SCAMP2: variants seen among roughly 807,000 people sequenced by gnomAD.
The protein encoded by SCAMP2 is secretory carrier-associated membrane protein 2.
In SCAMP2, 25 loss-of-function variants were observed where a neutral mutation model predicts 44.1. The observed-to-expected ratio is 0.57, with a 90% CI of 0.41 to 0.79. SCAMP2 has a LOEUF of 0.79. Ranked by LOEUF, SCAMP2 falls within the 30% of genes least tolerant of loss-of-function variation. SCAMP2 has a pLI of 0.00. For synonymous variants in SCAMP2, 156 were observed against 166.0 expected, an observed-to-expected ratio of 0.94 and a Z score of 0.46; for missense variants, 355 against 411.0, an observed-to-expected ratio of 0.86 and a Z score of 1.18.
chr15:74,854,745 T>A, intron 1 of SCAMP2, 96 bp from the exon 2 acceptor site: 1 of 1,101,384 alleles, frequency 9.1e-7, no homozygotes, highest in Non-Finnish European at 1.3e-6. Flanking sequence ...GCAGGGCAGC[T>A]GATCACCCTC....
At chr15:74,850,020 G>A (rs28692934) in intron 6 of SCAMP2, among the ~76,000 whole-genome samples, 1 of 152,114 alleles carries the variant, frequency 6.6e-6, no homozygotes, top group Non-Finnish European at 1.5e-5. Flanking sequence ...TAAACCCTGA[G>A]GTACAATTCC....
intron 1 of SCAMP2, among the ~76,000 whole-genome samples, chr15:74,866,798 C>CT (rs112929950): frequency 4.2e-5 from 5 of 119,684 alleles, no homozygotes; most frequent in African/African-American, 6.2e-5. Flanking sequence ...TATTTTCTTT[C>CT]TTTTTTTTTT....
Position 74,861,992 on chromosome 15 carries a change from G to A in SCAMP2, c.58-7343C>T, listed in dbSNP as rs138417768. Among the ~76,000 whole-genome samples the A allele has an allele frequency of 2.9e-3, 438 of 150,966 alleles. 2 individuals are homozygous for A. The highest frequency in any genetic ancestry group is 0.014 in the Middle Eastern group (4 of 292). On this transcript the variant is annotated intron_variant, in intron 1 of 8. Coordinates refer to ENST00000268099, the MANE Select transcript of SCAMP2 (RefSeq NM_005697.5). The stretch of plus-strand genomic sequence containing the variant: ...TTATGGGCCAGGCCCGGTAGCTCAT[G>A]CCTATAATCCCAACACTTTGGGAGG...
At chr15:74,850,772 G>A (rs887013871) in intron 5 of SCAMP2, 99 bp from the exon 6 acceptor site, 22 of 1,276,928 alleles carry the variant, frequency 1.7e-5, no homozygotes, top group South Asian at 4.1e-5. Context: ...TTCATGCTGC[G>A]AAGGCAGCTG....
intron 1 of SCAMP2, among the ~76,000 whole-genome samples, chr15:74,859,096 C>T (rs1355988277): frequency 6.6e-6 from 1 of 152,098 alleles, no homozygotes; most frequent in Admixed American, 6.6e-5. Context: ...CGTGAGCCAC[C>T]ATGCCCGGTC....
intron 5 of SCAMP2, 140 bp from the exon 6 acceptor site, chr15:74,850,813 G>T: frequency 1.2e-6 from 1 of 812,442 alleles, no homozygotes; most frequent in Non-Finnish European, 1.9e-6. Context: ...CTGTACCTAG[G>T]CAGGGATAGT....
chr15:74,847,194 T>G (rs1172329808), intron 7 of SCAMP2, among the ~76,000 whole-genome samples: 4 of 145,970 alleles, frequency 2.7e-5, no homozygotes, highest in African/African-American at 7.5e-5. Flanking sequence ...CGGGTTCAAG[T>G]GATTCTTCTG....
At chr15:74,865,920 C>T (rs1415539932) in intron 1 of SCAMP2, among the ~76,000 whole-genome samples, 7 of 134,918 alleles carry the variant, frequency 5.2e-5, no homozygotes, top group South Asian at 2.4e-4. Flanking sequence ...CACTGCACTT[C>T]GGCCTAGGCA....
intron 1 of SCAMP2, 42 bp downstream of exon 1, chr15:74,873,157 C>G: frequency 1.4e-6 from 2 of 1,415,536 alleles, no homozygotes; most frequent in South Asian, 3.2e-5. Context: ...GCCGTGGGCC[C>G]TAGGGAAATC....
chr15:74,870,869 G>A (rs1307621737), intron 1 of SCAMP2, among the ~76,000 whole-genome samples: 6 of 152,190 alleles, frequency 3.9e-5, no homozygotes, highest in Non-Finnish European at 8.8e-5. Flanking sequence ...CTCATGCTGT[G>A]AATGACAGGA....
intron 4 of SCAMP2, 141 bp from the exon 5 acceptor site, chr15:74,851,622 G>T: frequency 3.0e-6 from 3 of 999,364 alleles, no homozygotes; most frequent in Non-Finnish European, 4.4e-6. Context: ...TCTGCATGGA[G>T]CATGGAGTGG....
chr15:74,845,355 C>A, intron 8 of SCAMP2, 118 bp downstream of exon 8: 1 of 1,591,080 alleles, frequency 6.3e-7, no homozygotes, highest in Non-Finnish European at 8.6e-7. Context: ...GAGAAAGGTA[C>A]TGGACCTTTG....
chr15:74,844,198 C>CG lies in SCAMP2; in HGVS notation c.*884dup, dbSNP rs1403091113. The CG allele has an allele frequency of 4.2e-5, 2 of 47,896 alleles. No homozygotes were observed. The highest frequency in any genetic ancestry group is 1.5e-4 in the African/African-American group (2 of 13,448). 3.0% of individuals were successfully genotyped at this position (47,896 alleles called of 1,614,324 possible). ...AGACAAAGGCAGCCGTCCCTCGGTT[C>CG]GGGGAGGGGGGGGGGTAGTCACAGC... On this transcript the variant is annotated 3_prime_UTR_variant, in exon 9 of 9. Coordinates refer to ENST00000268099, the MANE Select transcript of SCAMP2 (RefSeq NM_005697.5).
chr15:74,862,294 T>TAATAAA lies in SCAMP2; in HGVS notation c.58-7646_58-7645insTTTATT, dbSNP rs1567254012. Among the ~76,000 whole-genome samples, 4 of 90,488 alleles carry TAATAAA rather than the reference T, an allele frequency of 4.4e-5. 1 individual carries two copies. Among genetic ancestry groups the TAATAAA allele is most frequent in the Non-Finnish European group, 4.8e-5 (2 of 41,702 alleles). The allele number at this position is 90,488 out of a possible 152,430, so 59.4% of individuals were successfully genotyped here. A position where few individuals can be genotyped will look rare whatever the true frequency, so the allele number is the denominator to read the frequency against. Reference sequence around the variant, plus strand: ...AAAAAAAAAAAAAAAAAAAAATTCCTGGCCAGGTGCAATGGCTCACACCTA... The same window carrying TAATAAA: ...AAAAAAAAAAAAAAAAAAAAATTCCTAATAAAGGCCAGGTGCAATGGCTCACACCTA... On this transcript the variant is annotated intron_variant, in intron 1 of 8. Transcript: ENST00000268099.
chr15:74,869,215 C>A (rs1280422469), intron 1 of SCAMP2, among the ~76,000 whole-genome samples: 1 of 151,966 alleles, frequency 6.6e-6, no homozygotes, highest in Admixed American at 6.6e-5. Flanking sequence ...TATTTGACCA[C>A]AGAACCATGA....
At chr15:74,854,453 T>C (rs893946122) in intron 2 of SCAMP2, 128 bp downstream of exon 2, 21 of 818,340 alleles carry the variant, frequency 2.6e-5, no homozygotes, top group Non-Finnish European at 4.4e-5. Flanking sequence ...GGGTTCATGT[T>C]AGGACTGTCC....
chr15:74,868,309 TA>T (rs1277361156), intron 1 of SCAMP2, among the ~76,000 whole-genome samples: 3 of 152,176 alleles, frequency 2.0e-5, no homozygotes, highest in Non-Finnish European at 4.4e-5. Flanking sequence ...GAAGAGGTCA[TA>T]AAAGCACATG....
chr15:74,846,494 T>C lies in SCAMP2; in HGVS notation c.735-901A>G, dbSNP rs997472052. 5.3e-5 allele frequency among the ~76,000 whole-genome samples: 8 copies of C among 149,988 alleles called. 1 individual carries two copies. Among genetic ancestry groups the C allele is most frequent in the African/African-American group, 1.7e-4 (7 of 40,762 alleles). On this transcript the variant is annotated intron_variant, in intron 7 of 8. Transcript: ENST00000268099. ...AAAAAAGAAAAAGGGCTGGGCACAG[T>C]GGCTCAAGCCCGTAATCCCAACACT...
intron 4 of SCAMP2, among the ~76,000 whole-genome samples, 154 bp from the exon 5 acceptor site, chr15:74,851,635 C>G (rs1462426935): frequency 6.6e-6 from 1 of 152,098 alleles, no homozygotes; most frequent in Admixed American, 6.5e-5. Context: ...TGGAGTGGGA[C>G]AGAACAGGAT....
Sources: allele counts gnomAD v4.1 joint callset (sites outside exome capture counted in the v4.1 genomes callset), GRCh38; gene constraint gnomAD v4.1.1; transcripts MANE v1.5; gene names NCBI Gene and HGNC (gene_info 2026-07-23, HGNC 2026-07-21).